GRB10: variants seen among roughly 807,000 people sequenced by gnomAD.
The protein encoded by GRB10 is growth factor receptor-bound protein 10.
Under a neutral mutation model 80.9 loss-of-function variants are expected in GRB10, and 20 were observed. That is an observed-to-expected ratio of 0.25 (90% CI 0.17 to 0.36). The LOEUF is 0.36. GRB10 is among the 10% of genes least tolerant of loss of function. The probability of loss-of-function intolerance (pLI) is 1.00; values close to 1 mark genes in which losing one functional copy is unlikely to be tolerated. For missense variants in GRB10, 548 were observed against 747.7 expected (o/e 0.73, Z 3.12); for synonymous variants, 291 against 291.5 (o/e 1.00, Z 0.02).
intron 1 of GRB10, among the ~76,000 whole-genome samples, chr7:50,791,793 A>T (rs1463734083): frequency 1.3e-5 from 2 of 152,210 alleles, no homozygotes; most frequent in Admixed American, 6.5e-5. Context: ...CAGTGATCCT[A>T]GAGTTTTGAT....
chr7:50,731,490 C>T (rs185297279), intron 4 of GRB10, among the ~76,000 whole-genome samples: 2 of 152,162 alleles, frequency 1.3e-5, no homozygotes, highest in African/African-American at 2.4e-5. Flanking sequence ...CTGCTCCAGC[C>T]GAAAAGTCAC....
Position 50,623,171 on chromosome 7 carries a change from T to A in GRB10, c.661+3651A>T, listed in dbSNP as rs79095738. Among the ~76,000 whole-genome samples, 1,175 of 152,162 alleles carry A rather than the reference T, an allele frequency of 7.7e-3. 14 individuals carry two copies. Among genetic ancestry groups the A allele is most frequent in the African/African-American group, 0.026 (1,089 of 41,494 alleles). ...GCTGGACTTACTGTCGGCTGTTGAGTGGCCTGGGTCAGGGACAGTGTTTTC... is the reference window on the plus strand; with the variant it reads ...GCTGGACTTACTGTCGGCTGTTGAGAGGCCTGGGTCAGGGACAGTGTTTTC... On this transcript the variant is annotated intron_variant, in intron 8 of 18. Transcript: ENST00000401949.
chr7:50,710,976 C>A, intron 4 of GRB10: 3 of 1,371,032 alleles, frequency 2.2e-6, no homozygotes, highest in Non-Finnish European at 3.1e-6. Flanking sequence ...GCCCTGTGCA[C>A]AATATTTTCA....
At chr7:50,624,456 C>T (rs1185411486) in intron 8 of GRB10, among the ~76,000 whole-genome samples, 1 of 152,216 alleles carries the variant, frequency 6.6e-6, no homozygotes, top group Non-Finnish European at 1.5e-5. Context: ...TTGAATGCTG[C>T]CAAATCATGG....
In GRB10 at chr7:50,775,161, C is replaced by CAAAAAA. The variant is rs777553621; in HGVS notation, c.-217+5460_-217+5465dup. 4.2e-3 allele frequency among the ~76,000 whole-genome samples: 131 copies of CAAAAAA among 30,980 alleles called. 22 individuals carry two copies. Among genetic ancestry groups the CAAAAAA allele is most frequent in the Non-Finnish European group, 7.3e-3 (112 of 15,426 alleles). The allele number at this position is 30,980 out of a possible 152,430, so 20.3% of individuals were successfully genotyped here. ...GAATGACACAGTGAGATCCTGTCTC[C>CAAAAAA]AAAAAAAAAAAACAAAAAAAAACAG... On this transcript the variant is annotated intron_variant, in intron 2 of 18. Coordinates refer to ENST00000401949, the MANE Select transcript of GRB10 (RefSeq NM_001350814.2).
At position 50,641,045 on chromosome 7, in the gene GRB10, T is replaced by C. The variant is rs115971683; in HGVS notation, c.505-14067A>G. On this transcript the variant is annotated intron_variant, in intron 7 of 18. Coordinates refer to ENST00000401949, the MANE Select transcript of GRB10 (RefSeq NM_001350814.2). ...GTCACGCAGGCTCATGGGAACGCGG[T>C]CCTGCTGCCAATCCAGTGAGCGCCT... 8.8e-3 allele frequency among the ~76,000 whole-genome samples: 1,345 copies of C among 152,210 alleles called. 23 individuals carry two copies. Among genetic ancestry groups the C allele is most frequent in the African/African-American group, 0.03 (1,262 of 41,536 alleles).
At chr7:50,627,203 T>C (rs1373859749) in intron 7 of GRB10, among the ~76,000 whole-genome samples, 9 of 152,098 alleles carry the variant, frequency 5.9e-5, no homozygotes, top group Admixed American at 5.9e-4. Flanking sequence ...GATTACAACA[T>C]GATACTCTTA....
In GRB10 at chr7:50,667,042, CA is replaced by C. The variant is rs777580027; in HGVS notation, c.504+2679del. Among the ~76,000 whole-genome samples the C allele has an allele frequency of 2.7e-3, 293 of 108,112 alleles. 1 individual carries two copies. The highest frequency in any genetic ancestry group is 9.6e-3 in the African/African-American group (254 of 26,574). 70.9% of individuals were successfully genotyped at this position (108,112 alleles called of 152,430 possible). On this transcript the variant is annotated intron_variant, in intron 7 of 18. Transcript: ENST00000401949. ...TGGGCGACAGAGCGAGACTCTGTCT[CA>C]AAAAAAAAAAAAAAAAAAGGAGAGA...
intron 15 of GRB10, chr7:50,605,012 C>T (rs182279966): frequency 1.5e-5 from 7 of 466,250 alleles, no homozygotes; most frequent in African/African-American, 9.7e-5. Flanking sequence ...ATCAGCAGAA[C>T]AGTTCTGCAT....
intron 2 of GRB10, among the ~76,000 whole-genome samples, chr7:50,777,162 G>A (rs1013901154): frequency 3.0e-4 from 46 of 152,154 alleles, no homozygotes; most frequent in Non-Finnish European, 5.9e-4. Flanking sequence ...TTCAGTGTCT[G>A]GTGAGGGCCT....
At chr7:50,687,653 G>A (rs975090756) in intron 5 of GRB10, among the ~76,000 whole-genome samples, 5 of 152,204 alleles carry the variant, frequency 3.3e-5, no homozygotes, top group East Asian at 1.9e-4. Flanking sequence ...CTCTGCTTCC[G>A]CATGGTGTCT....
intron 4 of GRB10, among the ~76,000 whole-genome samples, chr7:50,718,075 G>C (rs1347988636): frequency 1.3e-5 from 2 of 152,206 alleles, no homozygotes; most frequent in African/African-American, 4.8e-5. Flanking sequence ...CCAGCCCACT[G>C]ACTAAGTGCC....
chr7:50,610,050 G>A (rs530717372), intron 13 of GRB10, among the ~76,000 whole-genome samples: 1 of 152,288 alleles, frequency 6.6e-6, no homozygotes, highest in Non-Finnish European at 1.5e-5. Context: ...GTTTGTAGTA[G>A]ATGGTAAAAG....
intron 2 of GRB10, among the ~76,000 whole-genome samples, chr7:50,760,401 T>C (rs1400755224): frequency 6.6e-6 from 1 of 152,204 alleles, no homozygotes; most frequent in Non-Finnish European, 1.5e-5. Flanking sequence ...GCTAAGTTCC[T>C]AAATGGAAAG....
In GRB10 at chr7:50,778,358, G is replaced by C. The variant is rs554850447; in HGVS notation, c.-217+2269C>G. 2.6e-5 allele frequency among the ~76,000 whole-genome samples: 4 copies of C among 152,354 alleles called. No individual in the cohort carries two copies. In the South Asian group the frequency reaches 8.3e-4, roughly 32 times the overall value. ...CCCAACATCACCACCAGCCTAGGAA[G>C]ACTGTTAATGAAAGATGACAAAGGA... On this transcript the variant is annotated intron_variant, in intron 2 of 18. Coordinates refer to ENST00000401949, the MANE Select transcript of GRB10 (RefSeq NM_001350814.2).
chr7:50,717,381 T>C (rs933649565), intron 4 of GRB10, among the ~76,000 whole-genome samples: 3 of 152,230 alleles, frequency 2.0e-5, no homozygotes, highest in Admixed American at 6.5e-5. Context: ...CAGGAAGCAG[T>C]TGCCAGGCCA....
chr7:50,690,320 C>CAAACAAAA (rs1403293780), intron 5 of GRB10, among the ~76,000 whole-genome samples: 1 of 148,690 alleles, frequency 6.7e-6, no homozygotes, highest in Non-Finnish European at 1.5e-5. Context: ...AACAAACAAA[C>CAAACAAAA]AAAAAAAACA....
chr7:50,718,411 C>A (rs1248431455), intron 4 of GRB10, among the ~76,000 whole-genome samples: 2 of 152,114 alleles, frequency 1.3e-5, no homozygotes, highest in East Asian at 1.9e-4. Context: ...GCTTACTGAT[C>A]CTGATTATTT....
intron 4 of GRB10, among the ~76,000 whole-genome samples, chr7:50,708,713 G>A (rs1044753020): frequency 2.3e-5 from 3 of 131,164 alleles, no homozygotes; most frequent in African/African-American, 9.0e-5. Context: ...GTCTCACTCT[G>A]TCGCCAGGCT....
Sources: allele counts gnomAD v4.1 joint callset (sites outside exome capture counted in the v4.1 genomes callset), GRCh38; gene constraint gnomAD v4.1.1; transcripts MANE v1.5; gene names NCBI Gene and HGNC (gene_info 2026-07-23, HGNC 2026-07-21).